Variants in HERPUD2 observed in about 807,000 individuals in gnomAD.
The protein encoded by HERPUD2 is HERPUD family member 2.
HERPUD2 carries 13 observed loss-of-function variants against 49.9 expected under a neutral mutation model. The ratio of observed to expected loss-of-function variants is 0.26; its 90% CI spans 0.17 to 0.41. The LOEUF (loss-of-function observed/expected upper bound fraction) is 0.41, where lower values mean the gene tolerates loss of function less well. Among genes scored for constraint, HERPUD2 ranks in the 10% least tolerant of loss-of-function variants. The pLI is 1.00. For synonymous variants in HERPUD2, 172 were observed against 171.4 expected (o/e 1.00, Z -0.03); for missense variants, 449 against 492.2 (o/e 0.91, Z 0.83).
intron 3 of HERPUD2, 85 bp from the exon 4 acceptor site, chr7:35,670,413 A>G: frequency 2.6e-5 from 13 of 505,894 alleles, no homozygotes; most frequent in Non-Finnish European, 4.1e-5. Flanking sequence ...AAATACCTAA[A>G]ACTTAGGTCC....
Position 35,675,478 on chromosome 7 carries a change from C to T in HERPUD2, c.148-2200G>A, listed in dbSNP as rs1392408385. On this transcript the variant is annotated intron_variant, in intron 2 of 8. Coordinates refer to ENST00000311350, the MANE Select transcript of HERPUD2 (RefSeq NM_022373.5). ...GAACCTAAAGAAGTTTCTTGTATTA[C>T]AGTCATCATAAACTATCACTTTTTT... is the stretch of plus-strand genomic sequence containing the variant. Among the ~76,000 whole-genome samples, 7 of 152,282 alleles carry T rather than the reference C, an allele frequency of 4.6e-5. No homozygotes were observed. The East Asian group carries it at 1.2e-3, about 25-fold the overall frequency.
At chr7:35,646,668 G>A (rs148890978) in intron 5 of HERPUD2, among the ~76,000 whole-genome samples, 16 of 152,244 alleles carry the variant, frequency 1.1e-4, no homozygotes, top group Admixed American at 3.9e-4. Context: ...AGAAACATGA[G>A]GAAAATGTAA....
intron 2 of HERPUD2, among the ~76,000 whole-genome samples, chr7:35,676,153 G>A (rs1467790320): frequency 6.6e-6 from 1 of 152,168 alleles, no homozygotes; most frequent in African/African-American, 2.4e-5. Flanking sequence ...AAATTTGACT[G>A]TTATGCCTCT....
chr7:35,667,639 T>A, intron 4 of HERPUD2, 51 bp from the exon 5 acceptor site: 2 of 1,418,206 alleles, frequency 1.4e-6, no homozygotes, highest in Non-Finnish European at 2.0e-6. Context: ...TTTACAATCA[T>A]AAAATTACAG....
chr7:35,675,302 CAGTT>C (rs1785738196), intron 2 of HERPUD2, among the ~76,000 whole-genome samples: 2 of 152,298 alleles, frequency 1.3e-5, no homozygotes, highest in East Asian at 1.9e-4. Flanking sequence ...AGGAGAAACT[CAGTT>C]AGTTTTTTCC....
At chr7:35,662,223 C>A (rs1446403331) in intron 5 of HERPUD2, among the ~76,000 whole-genome samples, 1 of 152,166 alleles carries the variant, frequency 6.6e-6, no homozygotes, top group Admixed American at 6.5e-5. Flanking sequence ...AGGGATGAAA[C>A]TGACTTGATC....
intron 5 of HERPUD2, among the ~76,000 whole-genome samples, chr7:35,666,610 A>G (rs1475224057): frequency 6.6e-6 from 1 of 152,176 alleles, no homozygotes; most frequent in Non-Finnish European, 1.5e-5. Context: ...AGCTTCCTTT[A>G]CCTCAAAAAT....
At position 35,671,447 on chromosome 7, in the gene HERPUD2, C is replaced by T. The variant is rs1236362629; in HGVS notation, c.226-1119G>A. Among the ~76,000 whole-genome samples the T allele has an allele frequency of 2.0e-5, 3 of 152,048 alleles. 1 individual carries two copies. Among genetic ancestry groups the T allele is most frequent in the Admixed American group, 1.3e-4 (2 of 15,252 alleles). ...CGCCTGGCAAAGGAGGTTGAAGACA[C>T]TCCTAATTTTCAACGTCTCCCTTAG... On this transcript the variant is annotated intron_variant, in intron 3 of 8. Transcript: ENST00000311350.
At chr7:35,657,122 A>G (rs952453798) in intron 5 of HERPUD2, among the ~76,000 whole-genome samples, 3 of 152,138 alleles carry the variant, frequency 2.0e-5, no homozygotes. Flanking sequence ...CAAGGAACTA[A>G]TATGTAGAAT....
At chr7:35,660,238 T>C (rs1011483643) in intron 5 of HERPUD2, among the ~76,000 whole-genome samples, 5 of 152,242 alleles carry the variant, frequency 3.3e-5, no homozygotes, top group Non-Finnish European at 7.3e-5. Flanking sequence ...TAGTATTCCA[T>C]GGTGTATATG....
intron 2 of HERPUD2, among the ~76,000 whole-genome samples, chr7:35,686,012 T>A (rs1236487203): frequency 6.6e-6 from 1 of 151,956 alleles, no homozygotes; most frequent in African/African-American, 2.4e-5. Context: ...AGGAAAATCA[T>A]GTGTTAGACC....
At chr7:35,688,006 T>C (rs1156253870) in intron 2 of HERPUD2, among the ~76,000 whole-genome samples, 1 of 152,180 alleles carries the variant, frequency 6.6e-6, no homozygotes, top group African/African-American at 2.4e-5. Context: ...TTAAAATATC[T>C]ATCATCTTAA....
intron 5 of HERPUD2, among the ~76,000 whole-genome samples, chr7:35,640,106 T>C (rs1209495199): frequency 6.6e-6 from 1 of 152,194 alleles, no homozygotes; most frequent in African/African-American, 2.4e-5. Context: ...GAGAAAGCCA[T>C]ACCACTGAGG....
intron 2 of HERPUD2, among the ~76,000 whole-genome samples, chr7:35,692,713 G>C (rs1432874278): frequency 2.0e-5 from 3 of 152,154 alleles, no homozygotes; most frequent in Non-Finnish European, 4.4e-5. Flanking sequence ...CCGATTAAGA[G>C]TTGTTTTTCT....
Position 35,635,236 on chromosome 7 carries a change from C to T in HERPUD2, c.840G>A (p.Met280Ile). Residue 280 changes from methionine to isoleucine, a missense_variant, in exon 7 of 9, where the codon ATG (methionine) becomes ATA (isoleucine). Physicochemically the swap from Met to Ile is conservative, Grantham distance 10 (BLOSUM62 1). Coordinates refer to ENST00000311350, the MANE Select transcript of HERPUD2 (RefSeq NM_022373.5). ...EDFNRDWLDW[M>I]YTFSRAAILL... ...GAATCGCAGCTCGTGAGAACGTGTA[C>T]ATCCAGTCTAGCCAGTCTCGATTGA... The T allele has an allele frequency of 1.9e-6, 3 of 1,614,042 alleles. No individual in the cohort carries two copies. The highest frequency in any genetic ancestry group is 2.7e-5 in the African/African-American group (2 of 75,044).
chr7:35,668,115 T>C (rs888875010), intron 4 of HERPUD2, among the ~76,000 whole-genome samples: 1 of 152,196 alleles, frequency 6.6e-6, no homozygotes, highest in African/African-American at 2.4e-5. Context: ...GTGTTATCTC[T>C]GACATTAACA....
intron 2 of HERPUD2, among the ~76,000 whole-genome samples, chr7:35,677,991 G>A (rs1169410867): frequency 2.6e-5 from 4 of 152,088 alleles, no homozygotes; most frequent in African/African-American, 9.7e-5. Flanking sequence ...TCATAACAAC[G>A]GAAATGCACA....
intron 2 of HERPUD2, among the ~76,000 whole-genome samples, chr7:35,675,865 C>T (rs745723919): frequency 8.5e-5 from 13 of 152,148 alleles, no homozygotes; most frequent in Non-Finnish European, 1.8e-4. Context: ...GCCCCGAACT[C>T]CTGGGCTCAA....
intron 2 of HERPUD2, among the ~76,000 whole-genome samples, chr7:35,679,555 G>A (rs1785834879): frequency 6.6e-6 from 1 of 152,184 alleles, no homozygotes; most frequent in Admixed American, 6.5e-5. Flanking sequence ...CTCTGGAAGA[G>A]GAATCAAGGT....
Sources: allele counts gnomAD v4.1 joint callset (sites outside exome capture counted in the v4.1 genomes callset), GRCh38; gene constraint gnomAD v4.1.1; transcripts MANE v1.5; gene names NCBI Gene and HGNC (gene_info 2026-07-23, HGNC 2026-07-21).